Variants in GPHN observed in about 807,000 individuals in gnomAD.
GPHN encodes gephyrin.
A neutral mutation model predicts 95.5 loss-of-function variants in GPHN; 17 were observed. The ratio of observed to expected loss-of-function variants is 0.18; its 90% confidence interval spans 0.12 to 0.27. The LOEUF (loss-of-function observed/expected upper bound fraction) is 0.27, where lower values mean the gene tolerates loss of function less well. GPHN is among the 10% of genes least tolerant of loss of function. GPHN has a pLI of 1.00. For missense variants in GPHN, 660 were observed against 978.1 expected (o/e 0.67, Z 4.34); for synonymous variants, 320 against 322.5 (o/e 0.99, Z 0.08).
At chr14:67,137,881 G>A (rs529214538) in intron 17 of GPHN, among the ~76,000 whole-genome samples, 1 of 152,278 alleles carries the variant, frequency 6.6e-6, no homozygotes, top group African/African-American at 2.4e-5. Context: ...ATCCCTTTAA[G>A]ATATGCCACT....
chr14:67,724,321 T>C, the GPHN span: 1 of 689,874 alleles, frequency 1.4e-6, no homozygotes, highest in Non-Finnish European at 2.6e-6. Context: ...AAAAATGTTG[T>C]CCTATGAAGG....
chr14:66,550,306 C>T (rs997472529), intron 1 of GPHN, among the ~76,000 whole-genome samples: 7 of 152,184 alleles, frequency 4.6e-5, no homozygotes, highest in African/African-American at 1.7e-4. Context: ...TGAATCCACC[C>T]ATCAAGACTT....
the GPHN span, among the ~76,000 whole-genome samples, chr14:67,533,103 T>G: frequency 6.6e-6 from 1 of 152,104 alleles, no homozygotes; most frequent in Non-Finnish European, 1.5e-5. Flanking sequence ...CCTGGAGAGC[T>G]GAGCCCAGCG....
chr14:66,851,868 C>G (rs922923013), intron 4 of GPHN, among the ~76,000 whole-genome samples: 1 of 152,052 alleles, frequency 6.6e-6, no homozygotes. Context: ...TAGCACCAAT[C>G]AGGAGGTCAT....
At chr14:66,653,274 A>T (rs2153367089) in intron 1 of GPHN, among the ~76,000 whole-genome samples, 1 of 152,308 alleles carries the variant, frequency 6.6e-6, no homozygotes, top group East Asian at 1.9e-4. Flanking sequence ...GGCTGCATTT[A>T]GTCAGCCATC....
the GPHN span, among the ~76,000 whole-genome samples, chr14:67,352,437 A>G: frequency 2.6e-5 from 4 of 152,112 alleles, no homozygotes; most frequent in Admixed American, 6.5e-5. Flanking sequence ...AAAAAAAAAA[A>G]AAAAAGAAAA....
chr14:67,013,482 A>G (rs183524759), intron 9 of GPHN, among the ~76,000 whole-genome samples: 2 of 152,174 alleles, frequency 1.3e-5, no homozygotes, highest in East Asian at 3.9e-4. Flanking sequence ...GTTAACTATT[A>G]CTTGGTTAGA....
the GPHN span, chr14:67,224,031 C>A: frequency 4.2e-6 from 4 of 957,670 alleles, no homozygotes; most frequent in Non-Finnish European, 5.0e-6. Flanking sequence ...CATTATTAAG[C>A]TCATCTGATT....
At chr14:67,315,112 T>C in the GPHN span, among the ~76,000 whole-genome samples, 1 of 111,730 alleles carries the variant, frequency 9.0e-6, no homozygotes, top group Non-Finnish European at 1.6e-5. Context: ...ATCATTTCCA[T>C]CTCTCATTAA....
chr14:66,719,234 C>T (rs1038413307), intron 2 of GPHN, among the ~76,000 whole-genome samples: 2 of 152,202 alleles, frequency 1.3e-5, no homozygotes, highest in Non-Finnish European at 2.9e-5. Context: ...GTGCCTCTGG[C>T]CGCCCTCCAG....
the GPHN span, among the ~76,000 whole-genome samples, chr14:67,559,291 C>T: frequency 1.3e-5 from 2 of 152,274 alleles, no homozygotes; most frequent in East Asian, 1.9e-4. Flanking sequence ...ACCTCTCTCT[C>T]CCTCCCCAGT....
chr14:67,050,897 G>A (rs905624508), intron 10 of GPHN, among the ~76,000 whole-genome samples: 8 of 152,202 alleles, frequency 5.3e-5, no homozygotes, highest in African/African-American at 1.9e-4. Flanking sequence ...CCCACTCCCA[G>A]CCAAGGGAGG....
chr14:67,592,678 G>A, the GPHN span: 1 of 1,609,192 alleles, frequency 6.2e-7, no homozygotes, highest in East Asian at 2.2e-5. Context: ...TGGTTCCACT[G>A]GATCTTTCAA....
intron 17 of GPHN, among the ~76,000 whole-genome samples, chr14:67,132,700 C>T (rs2079796450): frequency 6.6e-6 from 1 of 151,942 alleles, no homozygotes; most frequent in Non-Finnish European, 1.5e-5. Flanking sequence ...TCTGTTTCTT[C>T]TATGAATAAC....
chr14:67,284,238 G>T, the GPHN span, among the ~76,000 whole-genome samples: 1 of 151,700 alleles, frequency 6.6e-6, no homozygotes, highest in Non-Finnish European at 1.5e-5. Context: ...CTTTATTAAG[G>T]TATAATTCAC....
rs549125934 is a variant in GPHN at position 66,888,391 on chromosome 14, A to G, written c.389+8358A>G. On this transcript the variant is annotated intron_variant, in intron 5 of 22. Transcript: ENST00000478722. ...TTGTCCTCAGACATGCATTTAAAAA[A>G]TCAGTCTATGATTTGGGGCATACAG... 5.1e-4 allele frequency among the ~76,000 whole-genome samples: 78 copies of G among 152,336 alleles called. 1 individual carries two copies. In the Middle Eastern group the frequency reaches 0.014, roughly 27 times the overall value.
At position 66,764,205 on chromosome 14, in the gene GPHN, C is replaced by G. The variant is rs1393194704; in HGVS notation, c.144-12259C>G. ...CTTCCATGAAACCAGTTCCTGGTGCCAAAAAGTTTGGGAACCACTGATTTA... is the reference window on the plus strand; with the variant it reads ...CTTCCATGAAACCAGTTCCTGGTGCGAAAAAGTTTGGGAACCACTGATTTA... On this transcript the variant is annotated intron_variant, in intron 2 of 22. Transcript: ENST00000478722. Among the ~76,000 whole-genome samples the G allele has an allele frequency of 6.6e-5, 10 of 152,220 alleles. No homozygotes were observed. The Middle Eastern group carries it at 0.017, about 259-fold the overall frequency.
chr14:66,899,347 T>G (rs1418429329), intron 5 of GPHN, among the ~76,000 whole-genome samples: 1 of 151,906 alleles, frequency 6.6e-6, no homozygotes, highest in African/African-American at 2.4e-5. Context: ...TTTCCTGATC[T>G]TGGGGAGAAA....
At chr14:67,585,248 T>A in the GPHN span, 2 of 228,140 alleles carry the variant, frequency 8.8e-6, no homozygotes, top group Non-Finnish European at 1.7e-5. Flanking sequence ...CAGCTAGGGC[T>A]GGCCTCTATT....
Sources: gnomAD v4.1 joint callset for allele counts (sites outside exome capture counted in the v4.1 genomes callset) on GRCh38, gnomAD v4.1.1 for gene constraint, MANE v1.5 for transcripts, NCBI Gene and HGNC (gene_info 2026-07-23, HGNC 2026-07-21) for gene names.